CAMK1D: variants seen among roughly 807,000 people sequenced by gnomAD.
CAMK1D encodes the protein calcium/calmodulin-dependent protein kinase type 1D.
A neutral mutation model predicts 47.7 loss-of-function variants in CAMK1D; 9 were observed. The observed-to-expected ratio is 0.19, with a 90% CI of 0.11 to 0.33. The LOEUF is 0.33. Among genes scored for constraint, CAMK1D ranks in the 10% least tolerant of loss-of-function variants. The pLI is 1.00. For synonymous variants in CAMK1D, 184 were observed against 184.9 expected (o/e 0.99, Z 0.04); for missense variants, 291 against 488.7 (o/e 0.60, Z 3.81).
intron 5 of CAMK1D, among the ~76,000 whole-genome samples, chr10:12,786,193 G>A (rs1837715997): frequency 6.6e-6 from 1 of 152,248 alleles, no homozygotes; most frequent in Middle Eastern, 3.4e-3. Context: ...CATGTTGGTG[G>A]AAATGTCATT....
At chr10:12,535,917 C>T (rs1399028174) in intron 1 of CAMK1D, among the ~76,000 whole-genome samples, 5 of 152,094 alleles carry the variant, frequency 3.3e-5, no homozygotes, top group Non-Finnish European at 7.3e-5. Context: ...GATGAGGACA[C>T]AGGCTCAGAG....
intron 10 of CAMK1D, among the ~76,000 whole-genome samples, chr10:12,827,233 TTCCC>T (rs922793155): frequency 6.7e-5 from 10 of 150,098 alleles, no homozygotes; most frequent in African/African-American, 2.2e-4. Flanking sequence ...CCTTCTTTCC[TTCCC>T]TCCCTCCCTT....
intron 1 of CAMK1D, among the ~76,000 whole-genome samples, chr10:12,402,481 C>T (rs573205788): frequency 1.7e-4 from 26 of 152,304 alleles, no homozygotes; most frequent in African/African-American, 5.3e-4. Flanking sequence ...ACCCGCCTGC[C>T]TCGGCCTCCC....
chr10:12,568,714 A>G (rs1162237691), intron 2 of CAMK1D, among the ~76,000 whole-genome samples: 2 of 151,950 alleles, frequency 1.3e-5, no homozygotes, highest in Admixed American at 6.6e-5. Context: ...TTGAACGACA[A>G]GCAGTGTCTA....
chr10:12,439,769 G>A (rs1380810847), intron 1 of CAMK1D, among the ~76,000 whole-genome samples: 4 of 152,222 alleles, frequency 2.6e-5, no homozygotes, highest in Non-Finnish European at 5.9e-5. Context: ...CCGTTTTCAC[G>A]CTGCTGATGA....
At chr10:12,698,379 C>T (rs1055101656) in intron 3 of CAMK1D, among the ~76,000 whole-genome samples, 1 of 152,082 alleles carries the variant, frequency 6.6e-6, no homozygotes, top group African/African-American at 2.4e-5. Context: ...TTTTTATAAC[C>T]TCGTTTTATA....
At chr10:12,489,171 C>T (rs1834304551) in intron 1 of CAMK1D, among the ~76,000 whole-genome samples, 1 of 152,166 alleles carries the variant, frequency 6.6e-6, no homozygotes, top group Non-Finnish European at 1.5e-5. Context: ...ATCCCCTGAC[C>T]TTGTGATCCG....
chr10:12,470,642 G>A (rs576195541), intron 1 of CAMK1D, among the ~76,000 whole-genome samples: 2 of 151,886 alleles, frequency 1.3e-5, no homozygotes, highest in East Asian at 3.9e-4. Flanking sequence ...TCAGCCTCCC[G>A]AGTGGCTGGA....
At chr10:12,367,693 G>T (rs1394954616) in intron 1 of CAMK1D, among the ~76,000 whole-genome samples, 1 of 152,108 alleles carries the variant, frequency 6.6e-6, no homozygotes. Context: ...AACAGGGCTT[G>T]TGTTCTGATG....
chr10:12,707,956 C>T (rs1413015996), intron 3 of CAMK1D, among the ~76,000 whole-genome samples: 1 of 152,110 alleles, frequency 6.6e-6, no homozygotes, highest in Non-Finnish European at 1.5e-5. Flanking sequence ...TAAATGGGAT[C>T]CCCCCTCTGC....
intron 1 of CAMK1D, among the ~76,000 whole-genome samples, chr10:12,528,736 C>CTTTTTTTTTTTTTTTTTTTTTTTT (rs34250007): frequency 7.3e-6 from 1 of 137,910 alleles, no homozygotes. Flanking sequence ...AAATCCTCAT[C>CTTTTTTTTTTTTTTTTTTTTTTTT]TTTTTTTTTT....
intron 2 of CAMK1D, among the ~76,000 whole-genome samples, chr10:12,612,597 C>G (rs1838663819): frequency 6.6e-6 from 1 of 152,038 alleles, no homozygotes; most frequent in African/African-American, 2.4e-5. Flanking sequence ...GTTGGATTTT[C>G]CCCGGTTGTT....
In CAMK1D at chr10:12,789,375, G is replaced by T. The variant is rs901892965; in HGVS notation, c.566-1783G>T. Among the ~76,000 whole-genome samples, 3 of 152,192 alleles carry T rather than the reference G, an allele frequency of 2.0e-5. No homozygotes were observed. The East Asian group carries it at 5.8e-4, about 29-fold the overall frequency. On this transcript the variant is annotated intron_variant, in intron 5 of 10. Coordinates refer to ENST00000619168, the MANE Select transcript of CAMK1D (RefSeq NM_153498.4). ...ACGCTCTCACCTTAGCAAACAGTAC[G>T]TTTGAGTGAAAAGAGCTGCAACAAG...
Position 12,421,511 on chromosome 10 carries a change from CTTTTTTTTTTTTTTTTT to C in CAMK1D, c.92+71617_92+71633del, listed in dbSNP as rs71384322. Reference sequence around the variant, plus strand: ...CATGCTGGGCCATTTATCCAGGATTCTTTTTTTTTTTTTTTTTTTTTTTTTTTTTTTTGAGACAAGGT... The same window carrying C: ...CATGCTGGGCCATTTATCCAGGATTCTTTTTTTTTTTTTTTGAGACAAGGT... On this transcript the variant is annotated intron_variant, in intron 1 of 10. Transcript: ENST00000619168. Among the ~76,000 whole-genome samples the C allele has an allele frequency of 2.1e-3, 105 of 50,754 alleles. 1 individual carries two copies. The highest frequency in any genetic ancestry group is 7.8e-3 in the African/African-American group (92 of 11,818). 33.3% of individuals were successfully genotyped at this position (50,754 alleles called of 152,430 possible).
At chr10:12,429,902 A>G (rs1840383323) in intron 1 of CAMK1D, among the ~76,000 whole-genome samples, 1 of 152,002 alleles carries the variant, frequency 6.6e-6, no homozygotes. Context: ...CTTGGTTAGC[A>G]TCCTTTGGAC....
At chr10:12,582,947 C>T (rs1837705560) in intron 2 of CAMK1D, among the ~76,000 whole-genome samples, 2 of 152,146 alleles carry the variant, frequency 1.3e-5, no homozygotes, top group Admixed American at 1.3e-4. Context: ...TGGATAAAAA[C>T]AATTTTTTTG....
At chr10:12,554,000 C>T (rs1047235527) in intron 2 of CAMK1D, among the ~76,000 whole-genome samples, 1 of 152,174 alleles carries the variant, frequency 6.6e-6, no homozygotes, top group Non-Finnish European at 1.5e-5. Flanking sequence ...GCGCCTGGCA[C>T]CCAGCAGGCT....
intron 1 of CAMK1D, among the ~76,000 whole-genome samples, chr10:12,434,975 T>C (rs1323746162): frequency 1.3e-5 from 2 of 152,116 alleles, no homozygotes; most frequent in African/African-American, 2.4e-5. Context: ...CCCAGCACTT[T>C]GGGAGGCTGA....
chr10:12,754,583 A>G (rs549483822), intron 3 of CAMK1D, among the ~76,000 whole-genome samples: 6 of 152,228 alleles, frequency 3.9e-5, no homozygotes, highest in African/African-American at 7.2e-5. Flanking sequence ...GTTTGGGCTA[A>G]TGTAACAGAA....
Sources: allele counts gnomAD v4.1 joint callset (sites outside exome capture counted in the v4.1 genomes callset), GRCh38; gene constraint gnomAD v4.1.1; transcripts MANE v1.5; gene names NCBI Gene and HGNC (gene_info 2026-07-23, HGNC 2026-07-21).